NECAP1: variants seen among roughly 807,000 people sequenced by gnomAD.
NECAP1 encodes the protein NECAP endocytosis associated 1.
In NECAP1, 13 loss-of-function variants were observed where a neutral mutation model predicts 33.4. That is an observed-to-expected ratio of 0.39 (90% CI 0.25 to 0.62). The LOEUF (loss-of-function observed/expected upper bound fraction) is 0.62. Among genes scored for constraint, NECAP1 ranks in the 20% least tolerant of loss-of-function variants. NECAP1 has a pLI of 0.52. For synonymous variants in NECAP1, 109 were observed against 125.2 expected, an observed-to-expected ratio of 0.87 and a Z score of 0.86; for missense variants, 272 against 347.4, an observed-to-expected ratio of 0.78 and a Z score of 1.73.
At position 8,096,962 on chromosome 12, in the gene NECAP1, G is replaced by A. The variant is rs969793583; in HGVS notation, c.*872G>A. ...CCTGTTCTTTGACCTAAAGTTGAAG[G>A]GTTTAGAGTTTTTAACCTGATCTGT... is the stretch of plus-strand genomic sequence containing the variant. On this transcript the variant is annotated 3_prime_UTR_variant, in exon 8 of 8. Transcript: ENST00000339754. 1.3e-5 allele frequency: 2 copies of A among 152,588 alleles called. No homozygotes were observed. Among genetic ancestry groups the A allele is most frequent in the Non-Finnish European group, 2.9e-5 (2 of 68,022 alleles). The allele number at this position is 152,588 out of a possible 1,614,324, so 9.5% of individuals were successfully genotyped here. A position where few individuals can be genotyped will look rare whatever the true frequency, so the allele number is the denominator to read the frequency against.
chr12:8,083,014 C>G (rs1947455440), intron 1 of NECAP1: 1 of 152,306 alleles, frequency 6.6e-6, no homozygotes, highest in African/African-American at 2.4e-5. Context: ...TGTTTCTTCT[C>G]ATTGTATTTT....
chr12:8,090,379 A>C (rs761135065), intron 3 of NECAP1, 80 bp downstream of exon 3: 1 of 1,249,060 alleles, frequency 8.0e-7, no homozygotes, highest in Non-Finnish European at 1.2e-6. Context: ...TTCCGATTGC[A>C]TTTATCTTTC....
chr12:8,096,327 G>A lies in NECAP1; in HGVS notation c.*237G>A, dbSNP rs1947594192. On this transcript the variant is annotated 3_prime_UTR_variant, in exon 8 of 8. Transcript: ENST00000339754. The stretch of plus-strand genomic sequence containing the variant: ...GTAGTACCAAGGTAGGGGACTAGTG[G>A]ATCTTATCATAGTTTTGGCTGACTA... The A allele has an allele frequency of 2.9e-5, 13 of 446,754 alleles. No individual in the cohort carries two copies. In the East Asian group the frequency reaches 4.4e-4, roughly 15 times the overall value. 27.7% of individuals were successfully genotyped at this position (446,754 alleles called of 1,614,324 possible).
chr12:8,093,632 G>A (rs911930672), intron 6 of NECAP1: 3 of 152,578 alleles, frequency 2.0e-5, no homozygotes, highest in African/African-American at 7.2e-5. Flanking sequence ...GGGAGGCTGA[G>A]GTGGGAGGAT....
In NECAP1 at chr12:8,092,904, G is replaced by C; in HGVS notation, c.525G>C (p.Lys175Asn). ...CAAACAAGAAAGGAGGTGCTTCTAA[G>C]CCCAGGACTGCAAGGGGTGGGGGTC... ...NITNKKGGAS[K>N]PRTARGGGLS... Residue 175 changes from lysine (K) to asparagine (N), a missense_variant, in exon 6 of 8, where the codon AAG becomes AAC. Lys to Asn is a moderately conservative substitution (Grantham distance 94, BLOSUM62 0). Transcript: ENST00000339754. 6.3e-7 allele frequency: 1 copy of C among 1,582,158 alleles called. No homozygotes were observed. Among genetic ancestry groups the C allele is most frequent in the Non-Finnish European group, 8.6e-7 (1 of 1,165,700 alleles).
chr12:8,090,324 G>T, intron 3 of NECAP1, 25 bp downstream of exon 3: 2 of 1,599,242 alleles, frequency 1.3e-6, no homozygotes, highest in South Asian at 1.1e-5. Flanking sequence ...ATTTTGAGTG[G>T]AACGAAGTTA....
At chr12:8,094,978 G>T (rs898751716) in intron 6 of NECAP1, among the ~76,000 whole-genome samples, 1 of 152,116 alleles carries the variant, frequency 6.6e-6, no homozygotes, top group African/African-American at 2.4e-5. Context: ...TTCTATGAAA[G>T]GAATCATACA....
chr12:8,096,244 T>C lies in NECAP1; in HGVS notation c.*154T>C, dbSNP rs1268248205. On this transcript the variant is annotated 3_prime_UTR_variant, in exon 8 of 8. Transcript: ENST00000339754. The stretch of plus-strand genomic sequence containing the variant: ...CTTCTCCATCACATTCAAGCTGGTT[T>C]ATGTCACTCCCCTGTGTTGTTACTT... 1 of 727,482 alleles carries C rather than the reference T, an allele frequency of 1.4e-6. No individual in the cohort carries two copies. The allele number at this position is 727,482 out of a possible 1,614,324, so 45.1% of individuals were successfully genotyped here.
intron 1 of NECAP1, among the ~76,000 whole-genome samples, chr12:8,084,570 G>A (rs967828489): frequency 6.6e-6 from 1 of 151,932 alleles, no homozygotes; most frequent in African/African-American, 2.4e-5. Flanking sequence ...AGAGGCCCCA[G>A]TGTGTGTTGT....
At chr12:8,091,441 C>A in intron 3 of NECAP1, 1 of 308,604 alleles carries the variant, frequency 3.2e-6, no homozygotes, top group Non-Finnish European at 6.1e-6. Context: ...TGCAACTAGA[C>A]GGGGGTGATG....
At chr12:8,086,418 G>A (rs1386178875) in intron 1 of NECAP1, among the ~76,000 whole-genome samples, 6 of 152,058 alleles carry the variant, frequency 3.9e-5, no homozygotes, top group African/African-American at 1.4e-4. Context: ...TTCCAGACCA[G>A]CCTGGCCAAC....
At chr12:8,094,617 C>G (rs774815651) in intron 6 of NECAP1, 7 of 152,242 alleles carry the variant, frequency 4.6e-5, no homozygotes, top group African/African-American at 7.2e-5. Flanking sequence ...CAGGTGCACA[C>G]TGCCACACCA....
At position 8,097,168 on chromosome 12, in the gene NECAP1, A is replaced by G. The variant is rs1947602124; in HGVS notation, c.*1078A>G. The G allele has an allele frequency of 6.6e-6, 1 of 152,638 alleles. No individual in the cohort carries two copies. Among genetic ancestry groups the G allele is most frequent in the Non-Finnish European group, 1.5e-5 (1 of 68,034 alleles). The allele number at this position is 152,638 out of a possible 1,614,324, so 9.5% of individuals were successfully genotyped here. On this transcript the variant is annotated 3_prime_UTR_variant, in exon 8 of 8. Transcript: ENST00000339754. ...TGGAGAGTCACAGCTTTACTGTGAC[A>G]GGTTTTGCCCAAGGCTTTGATACCT... is the stretch of plus-strand genomic sequence containing the variant.
chr12:8,092,346 G>A (rs185528118), intron 4 of NECAP1: 1 of 276,144 alleles, frequency 3.6e-6, no homozygotes, highest in African/African-American at 2.2e-5. Context: ...AGAAAGCTAA[G>A]AGCAAGCTTT....
In NECAP1 at chr12:8,087,298, T is replaced by C. The variant is rs750996991; in HGVS notation, c.96-2638T>C. On this transcript the variant is annotated intron_variant, in intron 1 of 7. Coordinates refer to ENST00000339754, the MANE Select transcript of NECAP1 (RefSeq NM_015509.4). ...TATAAAGTTTTATTACTAAGGTAAATGAAAATTTGTAAGGTAAGTTAAAAG... is the reference window on the plus strand; with the variant it reads ...TATAAAGTTTTATTACTAAGGTAAACGAAAATTTGTAAGGTAAGTTAAAAG... Among the ~76,000 whole-genome samples, 10 of 151,868 alleles carry C rather than the reference T, an allele frequency of 6.6e-5. No individual in the cohort carries two copies. In the South Asian group the frequency reaches 1.2e-3, roughly 19 times the overall value.
At chr12:8,090,333 TAGGAAA>T in intron 3 of NECAP1, 34 bp downstream of exon 3, 6 of 1,566,090 alleles carry the variant, frequency 3.8e-6, no homozygotes, top group Non-Finnish European at 5.3e-6. Flanking sequence ...GGAACGAAGT[TAGGAAA>T]ACAGGTGAAT....
At chr12:8,085,802 C>T (rs1386381771) in intron 1 of NECAP1, among the ~76,000 whole-genome samples, 1 of 144,916 alleles carries the variant, frequency 6.9e-6, no homozygotes, top group Non-Finnish European at 1.5e-5. Context: ...CTCCCAGATT[C>T]AACTGATTCT....
rs200489834 is a variant in NECAP1, at chr12:8,096,030, C to T, written c.780-12C>T. 1 of 1,613,914 alleles carries T rather than the reference C, an allele frequency of 6.2e-7. No homozygotes were observed. Among genetic ancestry groups the T allele is most frequent in the Non-Finnish European group, 8.5e-7 (1 of 1,179,790 alleles). ...TTATGTCTCTGGCTTTCTCTGTTCT[C>T]CTGTCTTGCAGCTCTGTTCCAAACC... On this transcript the variant is annotated splice_polypyrimidine_tract_variant and intron_variant, in intron 7 of 7. Coordinates refer to ENST00000339754, the MANE Select transcript of NECAP1 (RefSeq NM_015509.4).
rs772286095 is a variant in NECAP1 at position 8,093,002 on chromosome 12, A to G, written c.623A>G (p.Asn208Ser). ...PPPSSSVAIS[N>S]HVTPPPIPKS... ...CCATCCTCCTCAGTTGCCATCAGCA[A>G]TCATGTCACCCCACCACCCATTCCG... is the stretch of plus-strand genomic sequence containing the variant. Residue 208 changes from asparagine to serine, a missense_variant, in exon 6 of 8, where the codon AAT becomes AGT. Coordinates refer to ENST00000339754, the MANE Select transcript of NECAP1 (RefSeq NM_015509.4). 7.4e-6 allele frequency: 12 copies of G among 1,614,010 alleles called. No homozygotes were observed. Among genetic ancestry groups the G allele is most frequent in the African/African-American group, 1.3e-5 (1 of 74,926 alleles).
Sources: allele counts gnomAD v4.1 joint callset (sites outside exome capture counted in the v4.1 genomes callset), GRCh38; gene constraint gnomAD v4.1.1; transcripts MANE v1.5; gene names NCBI Gene and HGNC (gene_info 2026-07-23, HGNC 2026-07-21).